Variants in RALYL observed in about 807,000 individuals in gnomAD.
RALYL encodes the protein RALY RNA binding protein like, also known as RNA-binding Raly-like protein.
RALYL carries 29 observed loss-of-function variants against 35.1 expected under a neutral mutation model. That is an observed-to-expected ratio of 0.83 (90% confidence interval 0.61 to 1.13). The LOEUF (loss-of-function observed/expected upper bound fraction) is 1.13. Among genes scored for constraint, RALYL ranks in the 50% most tolerant of loss-of-function variants. RALYL has a pLI of 0.00. For synonymous variants in RALYL, 120 were observed against 127.6 expected (o/e 0.94, Z 0.40); for missense variants, 359 against 360.4 (o/e 1.00, Z 0.03).
Position 84,682,454 on chromosome 8 carries a change from C to T in RALYL, c.257-92125C>T, listed in dbSNP as rs1167890565. 2.6e-5 allele frequency among the ~76,000 whole-genome samples: 4 copies of T among 152,054 alleles called. 1 individual carries two copies. Among genetic ancestry groups the T allele is most frequent in the African/African-American group, 2.4e-5 (1 of 41,418 alleles). Reference sequence around the variant, plus strand: ...TTTTACCTCTGGTAGAATTCGGCTGCGAATCCATCTGGTCCTGGACGTTTT... The same window carrying T: ...TTTTACCTCTGGTAGAATTCGGCTGTGAATCCATCTGGTCCTGGACGTTTT... On this transcript the variant is annotated intron_variant, in intron 2 of 8. Coordinates refer to ENST00000521268, the MANE Select transcript of RALYL (RefSeq NM_173848.7).
chr8:84,429,073 AC>A (rs1377331388), intron 1 of RALYL, among the ~76,000 whole-genome samples: 1 of 152,162 alleles, frequency 6.6e-6, no homozygotes, highest in African/African-American at 2.4e-5. Context: ...GCAAAGGGAA[AC>A]AAAACCAAAA....
intron 1 of RALYL, among the ~76,000 whole-genome samples, chr8:84,413,984 GT>G (rs34636075): frequency 6.6e-6 from 1 of 151,928 alleles, no homozygotes; most frequent in South Asian, 2.1e-4. Context: ...AGTATGCTAG[GT>G]TTTTTTCTAA....
chr8:84,889,566 A>G (rs1843472627), intron 8 of RALYL, among the ~76,000 whole-genome samples: 1 of 152,106 alleles, frequency 6.6e-6, no homozygotes, highest in African/African-American at 2.4e-5. Flanking sequence ...CCCTGTCCCA[A>G]GATGTCTTCA....
At chr8:84,501,617 A>G (rs1348159694) in intron 1 of RALYL, among the ~76,000 whole-genome samples, 1 of 151,934 alleles carries the variant, frequency 6.6e-6, no homozygotes, top group African/African-American at 2.4e-5. Flanking sequence ...GAAAATCACT[A>G]GGATAAATAT....
At chr8:84,589,933 T>C (rs1272409585) in intron 2 of RALYL, among the ~76,000 whole-genome samples, 2 of 152,224 alleles carry the variant, frequency 1.3e-5, no homozygotes, top group Non-Finnish European at 2.9e-5. Flanking sequence ...ATTGATTGTG[T>C]TCTAATGAGA....
chr8:84,191,413 T>C (rs1303559734), intron 1 of RALYL, among the ~76,000 whole-genome samples: 1 of 152,070 alleles, frequency 6.6e-6, no homozygotes, highest in Non-Finnish European at 1.5e-5. Flanking sequence ...TACTGAAAAA[T>C]CTTCAAAGCA....
At chr8:84,738,425 C>T (rs1304286169) in intron 2 of RALYL, among the ~76,000 whole-genome samples, 1 of 152,004 alleles carries the variant, frequency 6.6e-6, no homozygotes, top group Non-Finnish European at 1.5e-5. Flanking sequence ...ATCCATGAGT[C>T]ATTGCAGGAA....
At chr8:84,591,662 A>G (rs1201765027) in intron 2 of RALYL, among the ~76,000 whole-genome samples, 1 of 152,204 alleles carries the variant, frequency 6.6e-6, no homozygotes, top group Non-Finnish European at 1.5e-5. Context: ...CAGAAACATG[A>G]GAGAGCCATG....
chr8:84,620,815 C>G (rs374128751), intron 2 of RALYL, among the ~76,000 whole-genome samples: 1 of 152,104 alleles, frequency 6.6e-6, no homozygotes, highest in Non-Finnish European at 1.5e-5. Context: ...TTCTAACAGA[C>G]AGGACCCTCA....
At chr8:84,216,650 G>A (rs1820910665) in intron 1 of RALYL, among the ~76,000 whole-genome samples, 1 of 152,058 alleles carries the variant, frequency 6.6e-6, no homozygotes, top group Non-Finnish European at 1.5e-5. Context: ...GTCCACCAAT[G>A]CTATCCAACA....
chr8:84,320,415 T>C (rs1344930062), intron 1 of RALYL, among the ~76,000 whole-genome samples: 1 of 151,764 alleles, frequency 6.6e-6, no homozygotes, highest in Admixed American at 6.6e-5. Context: ...TGTGCATATA[T>C]GTGTGTATGT....
chr8:84,253,443 G>A (rs1222912671), intron 1 of RALYL, among the ~76,000 whole-genome samples: 3 of 149,484 alleles, frequency 2.0e-5, no homozygotes, highest in Non-Finnish European at 4.4e-5. Context: ...CTCGTGATCC[G>A]CCTGCCTCAG....
Position 84,617,995 on chromosome 8 carries a change from C to T in RALYL, c.256+88418C>T, listed in dbSNP as rs549325759. Among the ~76,000 whole-genome samples the T allele has an allele frequency of 3.2e-4, 49 of 151,888 alleles. No homozygotes were observed. The South Asian group carries it at 1.0e-2, about 31-fold the overall frequency. On this transcript the variant is annotated intron_variant, in intron 2 of 8. Transcript: ENST00000521268. The stretch of plus-strand genomic sequence containing the variant: ...TGATGTGCTGCTGGATTCGTTTTGC[C>T]AGCATTTTATTGAGGATTTTTGCAT...
chr8:84,287,319 GTT>G (rs1393926271), intron 1 of RALYL, among the ~76,000 whole-genome samples: 30 of 142,924 alleles, frequency 2.1e-4, no homozygotes, highest in Non-Finnish European at 4.4e-4. Context: ...ACTGGGCTAG[GTT>G]ATTAGGAAGA....
intron 5 of RALYL, among the ~76,000 whole-genome samples, chr8:84,860,715 A>T (rs1837939038): frequency 6.6e-6 from 1 of 152,224 alleles, no homozygotes; most frequent in African/African-American, 2.4e-5. Context: ...TAGTCACAGA[A>T]GATGGCACCT....
intron 4 of RALYL, among the ~76,000 whole-genome samples, chr8:84,806,630 C>G (rs1824679668): frequency 6.6e-6 from 1 of 151,478 alleles, no homozygotes; most frequent in African/African-American, 2.4e-5. Context: ...GCATGGCACA[C>G]ATAAGATACT....
At chr8:84,620,594 C>T (rs1366223864) in intron 2 of RALYL, among the ~76,000 whole-genome samples, 2 of 152,246 alleles carry the variant, frequency 1.3e-5, no homozygotes, top group African/African-American at 2.4e-5. Flanking sequence ...TCTCTCAGCT[C>T]GTCAAAGTCA....
At chr8:84,763,132 C>T (rs542817971) in intron 2 of RALYL, among the ~76,000 whole-genome samples, 4 of 151,984 alleles carry the variant, frequency 2.6e-5, no homozygotes, top group Admixed American at 6.6e-5. Flanking sequence ...ATAGCAGCCT[C>T]GGTTTTTTAA....
At chr8:84,587,352 T>C (rs907931045) in intron 2 of RALYL, among the ~76,000 whole-genome samples, 1 of 152,206 alleles carries the variant, frequency 6.6e-6, no homozygotes, top group African/African-American at 2.4e-5. Flanking sequence ...AATGATCATA[T>C]TGAGTTTCAC....
Sources: gnomAD v4.1 joint callset for allele counts (sites outside exome capture counted in the v4.1 genomes callset) on GRCh38, gnomAD v4.1.1 for gene constraint, MANE v1.5 for transcripts, NCBI Gene and HGNC (gene_info 2026-07-23, HGNC 2026-07-21) for gene names.